VASN: variants seen among roughly 807,000 people sequenced by gnomAD.
The protein encoded by VASN is protein slit-like 2.
In VASN, 5 loss-of-function variants were observed where a neutral mutation model predicts 4.8. The ratio of observed to expected loss-of-function variants is 1.03; its 90% CI spans 0.54 to 2.17. The LOEUF (loss-of-function observed/expected upper bound fraction) is 2.17. VASN is among the 30% of genes most tolerant of loss of function. VASN has a pLI of 0.01. For synonymous variants in VASN, 499 were observed against 460.8 expected (o/e 1.08, Z -1.06); for missense variants, 927 against 948.8 (o/e 0.98, Z 0.30).
At position 4,383,379 on chromosome 16, in the gene VASN, T is replaced by C. The variant is rs542496359; in HGVS notation, c.*480T>C. ...GATGCTTTAGGAACATGTTTTGCTT[T>C]TTTAAAATATATATATATTTATAAG... On this transcript the variant is annotated 3_prime_UTR_variant, in exon 2 of 2. Coordinates refer to ENST00000304735, the MANE Select transcript of VASN (RefSeq NM_138440.3). The C allele has an allele frequency of 1.0e-3, 176 of 169,546 alleles. No homozygotes were observed. Among genetic ancestry groups the C allele is most frequent in the African/African-American group, 4.1e-3 (170 of 41,674 alleles). 10.5% of individuals were successfully genotyped at this position (169,546 alleles called of 1,614,324 possible).
chr16:4,378,424 C>T (rs1464146994), intron 1 of VASN, among the ~76,000 whole-genome samples: 1 of 152,110 alleles, frequency 6.6e-6, no homozygotes, highest in African/African-American at 2.4e-5. Context: ...TGGTCTGGCC[C>T]TGCTGGGAGG....
In VASN at chr16:4,381,883, G is replaced by A. The variant is rs1349870236; in HGVS notation, c.1006G>A (p.Gly336Ser). 1 of 1,604,984 alleles carries A rather than the reference G, an allele frequency of 6.2e-7. No individual in the cohort carries two copies. The highest frequency in any genetic ancestry group is 1.1e-5 in the South Asian group (1 of 90,968). The change falls in exon 2 of 2, where the codon GGC becomes AGC. Residue 336 changes from glycine (G) to serine (S), a missense_variant. By Grantham distance (56) the Gly-to-Ser change is moderately conservative. Transcript: ENST00000304735. ...CTGCCACTTCCCGCCCAAGAACGCT[G>A]GCCGGCTGCTCCTGGAGCTTGACTA... ...TRCHFPPKNA[G>S]RLLLELDYAD...
chr16:4,383,104 G>A lies in VASN; in HGVS notation c.*205G>A, dbSNP rs758024548. On this transcript the variant is annotated 3_prime_UTR_variant, in exon 2 of 2. Coordinates refer to ENST00000304735, the MANE Select transcript of VASN (RefSeq NM_138440.3). ...TGTGGCCCAGCTGACGAGCCCTAAC[G>A]TCCCCAGAACCGAGTGCCTATGAGG... 7 of 596,892 alleles carry A rather than the reference G, an allele frequency of 1.2e-5. No individual in the cohort carries two copies. Among genetic ancestry groups the A allele is most frequent in the African/African-American group, 7.8e-5 (4 of 51,354 alleles). The allele number at this position is 596,892 out of a possible 1,614,324, so 37.0% of individuals were successfully genotyped here. A position where few individuals can be genotyped will look rare whatever the true frequency, so the allele number is the denominator to read the frequency against.
At chr16:4,372,420 G>A (rs944968038) in intron 1 of VASN, among the ~76,000 whole-genome samples, 1 of 152,226 alleles carries the variant, frequency 6.6e-6, no homozygotes, top group African/African-American at 2.4e-5. Flanking sequence ...GGGCTGCCCG[G>A]GGTCCTCTGG....
intron 1 of VASN, among the ~76,000 whole-genome samples, chr16:4,376,469 G>A (rs2054735300): frequency 6.6e-6 from 1 of 152,182 alleles, no homozygotes; most frequent in Non-Finnish European, 1.5e-5. Flanking sequence ...ATACGGCACA[G>A]GAGGGGCGTA....
intron 1 of VASN, 142 bp from the exon 2 acceptor site, chr16:4,380,727 C>G: frequency 1.1e-6 from 1 of 908,286 alleles, no homozygotes; most frequent in South Asian, 1.8e-5. Context: ...TGGGTCGGGG[C>G]ACTGGCGACC....
chr16:4,372,014 G>A (rs1412383734), intron 1 of VASN, 21 bp downstream of exon 1: 1 of 152,202 alleles, frequency 6.6e-6, no homozygotes, highest in African/African-American at 2.4e-5. Flanking sequence ...GTGGGGCTGG[G>A]GGGCTGCGGG....
At chr16:4,373,100 G>A (rs2054591833) in intron 1 of VASN, among the ~76,000 whole-genome samples, 1 of 152,126 alleles carries the variant, frequency 6.6e-6, no homozygotes, top group African/African-American at 2.4e-5. Context: ...GTCCAGGATG[G>A]GCCCAGCTAT....
At chr16:4,379,412 CA>C (rs2054871483) in intron 1 of VASN, among the ~76,000 whole-genome samples, 1 of 152,054 alleles carries the variant, frequency 6.6e-6, no homozygotes, top group Non-Finnish European at 1.5e-5. Context: ...TTGGGCAGTG[CA>C]GCTAAGATCT....
intron 1 of VASN, among the ~76,000 whole-genome samples, chr16:4,375,841 T>C (rs1352367208): frequency 6.6e-6 from 1 of 152,194 alleles, no homozygotes; most frequent in Non-Finnish European, 1.5e-5. Flanking sequence ...AGGTTTTTTT[T>C]AGAAAGCTTC....
In VASN at chr16:4,382,555, C is replaced by T. The variant is rs1299054860; in HGVS notation, c.1678C>T (p.His560Tyr). 6.3e-6 allele frequency: 10 copies of T among 1,593,504 alleles called. No individual in the cohort carries two copies. In the South Asian group the frequency reaches 6.8e-5, roughly 11 times the overall value. ...GGAGGCCCATACACCCCCAGCCGTC[C>T]ACTCCAACCACGCCCCAGTCACCCA... Reference protein sequence around the residue: ...CGEAHTPPAVHSNHAPVTQAR... With the variant: ...CGEAHTPPAVYSNHAPVTQAR... The change falls in exon 2 of 2, where the codon CAC (histidine) becomes TAC (tyrosine). Residue 560 changes from histidine to tyrosine, a missense_variant. Physicochemically the swap from His to Tyr is moderately conservative, Grantham distance 83 (BLOSUM62 2). Transcript: ENST00000304735.
chr16:4,381,962 G>A lies in VASN; in HGVS notation c.1085G>A (p.Arg362Lys), dbSNP rs577026361. Reference protein sequence around the residue: ...TTTTATVPTTRPVVREPTALS... With the variant: ...TTTTATVPTTKPVVREPTALS... The stretch of plus-strand genomic sequence containing the variant: ...ACCACAGCCACAGTGCCCACCACGA[G>A]GCCCGTGGTGCGGGAGCCCACAGCC... Residue 362 changes from arginine (R) to lysine (K), a missense_variant, in exon 2 of 2, where the codon AGG becomes AAG. Coordinates refer to ENST00000304735, the MANE Select transcript of VASN (RefSeq NM_138440.3). The A allele has an allele frequency of 5.5e-5, 89 of 1,608,580 alleles. No individual in the cohort carries two copies. The highest frequency in any genetic ancestry group is 3.3e-4 in the Admixed American group (20 of 59,776).
chr16:4,373,314 C>A (rs113417205), intron 1 of VASN, among the ~76,000 whole-genome samples: 1,835 of 152,150 alleles, frequency 0.012, 36 homozygotes, highest in African/African-American at 0.042. Flanking sequence ...AGGGAGGATG[C>A]GCACACACAT....
chr16:4,381,621 C>T lies in VASN; in HGVS notation c.744C>T (p.Gly248=). Residue 248 remains glycine, a synonymous_variant, in exon 2 of 2, where the codon GGC becomes GGT. Transcript: ENST00000304735. ...LRGLTRLRLA[G]NTRIAQLRPE... The stretch of plus-strand genomic sequence containing the variant: ...GCCTGACGCGCCTGCGGCTGGCCGG[C>T]AACACCCGCATTGCCCAGCTGCGGC... 6.3e-7 allele frequency: 1 copy of T among 1,597,678 alleles called. No homozygotes were observed. The highest frequency in any genetic ancestry group is 8.5e-7 in the Non-Finnish European group (1 of 1,172,918).
At chr16:4,376,919 A>AG (rs1179318737) in intron 1 of VASN, among the ~76,000 whole-genome samples, 2 of 152,194 alleles carry the variant, frequency 1.3e-5, no homozygotes, top group Admixed American at 1.3e-4. Flanking sequence ...ACCCACGCCC[A>AG]GGGGGCAGGC....
intron 1 of VASN, 28 bp from the exon 2 acceptor site, chr16:4,380,841 T>C: frequency 6.9e-7 from 1 of 1,444,642 alleles, no homozygotes; most frequent in Non-Finnish European, 9.1e-7. Context: ...CTCACAGTCT[T>C]CTGTCTCTGC....
intron 1 of VASN, among the ~76,000 whole-genome samples, chr16:4,377,355 AGGGTGGGT>A (rs2054773944): frequency 6.6e-5 from 1 of 15,046 alleles, no homozygotes; most frequent in South Asian, 2.5e-3. Flanking sequence ...ACCGGGTGGG[AGGGTGGGT>A]GGGCGGCGGC....
chr16:4,382,717 C>G lies in VASN; in HGVS notation c.1840C>G (p.Gln614Glu). 6.4e-7 allele frequency: 1 copy of G among 1,551,012 alleles called. No individual in the cohort carries two copies. Among genetic ancestry groups the G allele is most frequent in the Non-Finnish European group, 8.7e-7 (1 of 1,148,402 alleles). The change falls in exon 2 of 2, where the codon CAG becomes GAG. Residue 614 changes from glutamine (Q) to glutamate (E), a missense_variant. Physicochemically the swap from Gln to Glu is conservative, Grantham distance 29 (BLOSUM62 2). Transcript: ENST00000304735. ...GGCAGCAGCGGCTCAGGACAAAGGGCAGGTGGGGCCAGGGGCTGGGCCCCT... is the reference window on the plus strand; with the variant it reads ...GGCAGCAGCGGCTCAGGACAAAGGGGAGGTGGGGCCAGGGGCTGGGCCCCT... ...AMAAAAQDKG[Q>E]VGPGAGPLEL... is the part of the protein sequence containing the mutation.
In VASN at chr16:4,381,440, T is replaced by C. The variant is rs1237872787; in HGVS notation, c.563T>C (p.Ile188Thr). ...HNSLLALEPGILDTANVEALR... is the reference protein window; with the variant it reads ...HNSLLALEPGTLDTANVEALR... ...AGCCTCCTGGCCCTGGAGCCCGGCA[T>C]CCTGGACACTGCCAACGTGGAGGCG... Residue 188 changes from isoleucine to threonine, a missense_variant, in exon 2 of 2, where the codon ATC (isoleucine) becomes ACC (threonine). Transcript: ENST00000304735. The C allele has an allele frequency of 8.9e-6, 14 of 1,580,356 alleles. No homozygotes were observed. In the East Asian group the frequency reaches 3.3e-4, roughly 37 times the overall value.
Sources: gnomAD v4.1 joint callset for allele counts (sites outside exome capture counted in the v4.1 genomes callset) on GRCh38, gnomAD v4.1.1 for gene constraint, MANE v1.5 for transcripts, NCBI Gene and HGNC (gene_info 2026-07-23, HGNC 2026-07-21) for gene names.